Variants in CACNA2D3 observed in about 807,000 individuals in gnomAD.
CACNA2D3 encodes calcium voltage-gated channel auxiliary subunit alpha2delta 3.
In CACNA2D3, 60 loss-of-function variants were observed where a neutral mutation model predicts 160.6. The observed-to-expected ratio is 0.37, with a 90% CI of 0.30 to 0.46. The LOEUF (loss-of-function observed/expected upper bound fraction) is 0.46, where lower values mean the gene tolerates loss of function less well. CACNA2D3 is among the 20% of genes least tolerant of loss of function. CACNA2D3 has a pLI of 1.00. For missense variants in CACNA2D3, 1,205 were observed against 1,365.0 expected, an observed-to-expected ratio of 0.88 and a Z score of 1.85; for synonymous variants, 558 against 492.9, an observed-to-expected ratio of 1.13 and a Z score of -1.75.
intron 29 of CACNA2D3, among the ~76,000 whole-genome samples, chr3:54,970,267 G>A (rs116484307): frequency 0.012 from 1,887 of 152,240 alleles, 49 homozygotes; most frequent in African/African-American, 0.042. Flanking sequence ...GAGAAATTAA[G>A]TGATTCAGCT....
intron 6 of CACNA2D3, among the ~76,000 whole-genome samples, chr3:54,563,725 C>T (rs924661316): frequency 6.6e-6 from 1 of 152,148 alleles, no homozygotes; most frequent in Non-Finnish European, 1.5e-5. Context: ...GAGAAAAACC[C>T]CACCCTGCAT....
At chr3:54,940,601 TAC>T (rs1559638442) in intron 27 of CACNA2D3, among the ~76,000 whole-genome samples, 18 of 152,194 alleles carry the variant, frequency 1.2e-4, no homozygotes, top group Non-Finnish European at 1.3e-4. Flanking sequence ...TGCTACAGGC[TAC>T]TCCCAAACTG....
At chr3:54,855,582 A>C (rs1412805381) in intron 17 of CACNA2D3, among the ~76,000 whole-genome samples, 6 of 152,212 alleles carry the variant, frequency 3.9e-5, no homozygotes, top group Non-Finnish European at 8.8e-5. Flanking sequence ...ATATGGAAGA[A>C]TGCAAAGAAA....
intron 14 of CACNA2D3, among the ~76,000 whole-genome samples, chr3:54,827,090 AT>A (rs1703764715): frequency 6.6e-6 from 1 of 152,186 alleles, no homozygotes; most frequent in Non-Finnish European, 1.5e-5. Context: ...CAAACATGGC[AT>A]TTGTCTTTGC....
chr3:54,135,296 A>G (rs962197899), intron 2 of CACNA2D3, among the ~76,000 whole-genome samples: 1 of 152,112 alleles, frequency 6.6e-6, no homozygotes, highest in African/African-American at 2.4e-5. Context: ...CATCCACAGA[A>G]CGTTCCTTGG....
At chr3:54,250,638 G>A (rs184526737) in intron 2 of CACNA2D3, among the ~76,000 whole-genome samples, 1 of 152,094 alleles carries the variant, frequency 6.6e-6, no homozygotes, top group Non-Finnish European at 1.5e-5. Context: ...GTCTAGACTT[G>A]TTGCCCTGGC....
At chr3:54,695,254 G>T (rs1700643815) in intron 11 of CACNA2D3, among the ~76,000 whole-genome samples, 1 of 152,094 alleles carries the variant, frequency 6.6e-6, no homozygotes, top group African/African-American at 2.4e-5. Flanking sequence ...CTGACCTCAG[G>T]CGATCCACCT....
At chr3:55,006,913 C>T (rs575748081) in intron 32 of CACNA2D3, among the ~76,000 whole-genome samples, 23 of 152,314 alleles carry the variant, frequency 1.5e-4, no homozygotes, top group South Asian at 1.0e-3. Flanking sequence ...TTCAATTCTC[C>T]GATATCTAAA....
chr3:54,522,379 T>C (rs1701659125), intron 5 of CACNA2D3, among the ~76,000 whole-genome samples: 1 of 152,220 alleles, frequency 6.6e-6, no homozygotes, highest in South Asian at 2.1e-4. Context: ...TGTATTTGTA[T>C]TCTGCAATCT....
intron 4 of CACNA2D3, among the ~76,000 whole-genome samples, chr3:54,453,945 A>G (rs1238976439): frequency 6.6e-6 from 1 of 152,214 alleles, no homozygotes; most frequent in Admixed American, 6.5e-5. Context: ...AGTGACACCC[A>G]AACCACATGA....
chr3:54,942,848 C>A (rs926884561), intron 27 of CACNA2D3, among the ~76,000 whole-genome samples: 1 of 152,040 alleles, frequency 6.6e-6, no homozygotes, highest in Non-Finnish European at 1.5e-5. Context: ...CACAGTGAAA[C>A]CCCATCTCTA....
intron 4 of CACNA2D3, among the ~76,000 whole-genome samples, chr3:54,490,577 C>A (rs1701092936): frequency 6.6e-6 from 1 of 152,182 alleles, no homozygotes; most frequent in African/African-American, 2.4e-5. Flanking sequence ...TCTGTTCAGT[C>A]ATCTTCACAC....
intron 4 of CACNA2D3, among the ~76,000 whole-genome samples, chr3:54,402,146 GA>G (rs1699479253): frequency 6.6e-6 from 1 of 151,882 alleles, no homozygotes; most frequent in African/African-American, 2.4e-5. Flanking sequence ...ATGATAAAGA[GA>G]AAAGAATAAA....
intron 13 of CACNA2D3, among the ~76,000 whole-genome samples, chr3:54,784,821 A>G (rs1702603657): frequency 1.3e-5 from 2 of 152,224 alleles, no homozygotes. Flanking sequence ...TTCAAGAGCA[A>G]GGATAGCTCC....
At chr3:54,680,829 A>G (rs1700332442) in intron 11 of CACNA2D3, among the ~76,000 whole-genome samples, 1 of 152,218 alleles carries the variant, frequency 6.6e-6, no homozygotes, top group African/African-American at 2.4e-5. Context: ...GTTATAATCA[A>G]TAATGGGTAG....
At chr3:54,931,245 T>C (rs1461887055) in intron 27 of CACNA2D3, among the ~76,000 whole-genome samples, 1 of 152,182 alleles carries the variant, frequency 6.6e-6, no homozygotes, top group Non-Finnish European at 1.5e-5. Flanking sequence ...TGGCAACATC[T>C]GCTTACTGCC....
chr3:54,340,358 A>G (rs1204369844), intron 3 of CACNA2D3, among the ~76,000 whole-genome samples: 1 of 152,202 alleles, frequency 6.6e-6, no homozygotes, highest in Non-Finnish European at 1.5e-5. Flanking sequence ...CCATCCATTA[A>G]TACGTCTTAT....
At chr3:54,228,749 T>C (rs1310862079) in intron 2 of CACNA2D3, among the ~76,000 whole-genome samples, 1 of 152,240 alleles carries the variant, frequency 6.6e-6, no homozygotes, top group Non-Finnish European at 1.5e-5. Flanking sequence ...TCAGTCTGAA[T>C]TGGGAGATGA....
At chr3:54,494,229 C>G (rs1701167475) in intron 4 of CACNA2D3, among the ~76,000 whole-genome samples, 1 of 152,186 alleles carries the variant, frequency 6.6e-6, no homozygotes, top group Non-Finnish European at 1.5e-5. Flanking sequence ...ATGGACAAAA[C>G]CACTGAGCCT....
Sources: allele counts gnomAD v4.1 joint callset (sites outside exome capture counted in the v4.1 genomes callset), GRCh38; gene constraint gnomAD v4.1.1; transcripts MANE v1.5; gene names NCBI Gene and HGNC (gene_info 2026-07-23, HGNC 2026-07-21).